The following EEPD1 variants were observed in gnomAD, a reference collection of about 807,000 sequenced individuals.
EEPD1 encodes endonuclease/exonuclease/phosphatase family domain-containing protein 1.
In EEPD1, 17 loss-of-function variants were observed where a neutral mutation model predicts 46.3. The observed-to-expected ratio is 0.37, with a 90% confidence interval of 0.25 to 0.55. EEPD1 has a LOEUF of 0.55. EEPD1 is among the 20% of genes least tolerant of loss of function. The pLI, the probability that EEPD1 is intolerant of heterozygous loss-of-function variation, is 0.83. For missense variants in EEPD1, 673 were observed against 745.6 expected (o/e 0.90, Z 1.13); for synonymous variants, 313 against 315.6 (o/e 0.99, Z 0.09).
rs897294205 is a variant in EEPD1, at chr7:36,298,480, T to C, written c.1511-527T>C. Among the ~76,000 whole-genome samples the C allele has an allele frequency of 9.5e-4, 144 of 152,242 alleles. 2 individuals carry two copies. Among genetic ancestry groups the C allele is most frequent in the Admixed American group, 9.4e-3 (144 of 15,286 alleles). On this transcript the variant is annotated intron_variant, in intron 7 of 7. Coordinates refer to ENST00000242108, the MANE Select transcript of EEPD1 (RefSeq NM_030636.3). The stretch of plus-strand genomic sequence containing the variant: ...TTTTTGTAACTATTCATTATTTAAT[T>C]ATATTCAAATATACTTCCTGCTTCA...
At chr7:36,180,997 G>T (rs1299946511) in intron 2 of EEPD1, among the ~76,000 whole-genome samples, 2 of 152,146 alleles carry the variant, frequency 1.3e-5, no homozygotes, top group Non-Finnish European at 2.9e-5. Flanking sequence ...GTTTCTTAAA[G>T]CTGGGTTGGA....
At chr7:36,271,799 CTATT>C (rs1787107250) in intron 3 of EEPD1, among the ~76,000 whole-genome samples, 1 of 5,276 alleles carries the variant, frequency 1.9e-4, no homozygotes, top group Admixed American at 1.8e-3. Context: ...CATAAGCCTC[CTATT>C]CTATTCTATT....
At chr7:36,216,025 C>G (rs181474717) in intron 2 of EEPD1, among the ~76,000 whole-genome samples, 6 of 152,290 alleles carry the variant, frequency 3.9e-5, no homozygotes, top group Admixed American at 3.9e-4. Context: ...CCTCTCTCTC[C>G]AGTGAGTGGG....
intron 6 of EEPD1, among the ~76,000 whole-genome samples, chr7:36,288,848 AC>A (rs1437274107): frequency 6.6e-6 from 1 of 151,934 alleles, no homozygotes; most frequent in African/African-American, 2.4e-5. Flanking sequence ...CACTTGGTTT[AC>A]CAAAAGAAAA....
In EEPD1 at chr7:36,256,093, A is replaced by T. The variant is rs538401066; in HGVS notation, c.930+17057A>T. On this transcript the variant is annotated intron_variant, in intron 3 of 7. Transcript: ENST00000242108. ...TAATTTCATTATTTACCCACTAGTT[A>T]TTCAGGAGCAGGTTGTTCAGTTCCC... Among the ~76,000 whole-genome samples the T allele has an allele frequency of 2.6e-5, 4 of 152,254 alleles. 1 individual carries two copies. In the South Asian group the frequency reaches 8.3e-4, roughly 32 times the overall value.
intron 2 of EEPD1, among the ~76,000 whole-genome samples, chr7:36,222,138 A>G (rs1786156791): frequency 6.6e-6 from 1 of 152,248 alleles, no homozygotes; most frequent in Non-Finnish European, 1.5e-5. Flanking sequence ...TGACTCCCCC[A>G]AAACATAAGT....
At chr7:36,159,001 AT>A (rs560866596) in intron 2 of EEPD1, among the ~76,000 whole-genome samples, 1 of 152,174 alleles carries the variant, frequency 6.6e-6, no homozygotes, top group Non-Finnish European at 1.5e-5. Flanking sequence ...GCTTAAATCA[AT>A]TTTTTTGCCA....
At chr7:36,268,521 A>G (rs1468374873) in intron 3 of EEPD1, among the ~76,000 whole-genome samples, 3 of 152,080 alleles carry the variant, frequency 2.0e-5, no homozygotes, top group Non-Finnish European at 4.4e-5. Context: ...AATGTTACCA[A>G]CCACAGCTTC....
chr7:36,191,346 G>T (rs1418650144), intron 2 of EEPD1, among the ~76,000 whole-genome samples: 1 of 152,248 alleles, frequency 6.6e-6, no homozygotes, highest in African/African-American at 2.4e-5. Context: ...TTGCAGAGCA[G>T]CTGGACAGAT....
In EEPD1 at chr7:36,227,668, C is replaced by T. The variant is rs185648526; in HGVS notation, c.879-11317C>T. 2.8e-4 allele frequency among the ~76,000 whole-genome samples: 42 copies of T among 152,214 alleles called. No homozygotes were observed. The East Asian group carries it at 6.4e-3, about 23-fold the overall frequency. On this transcript the variant is annotated intron_variant, in intron 2 of 7. Transcript: ENST00000242108. ...GCGCAGTGGCTCACACCTGTAATCC[C>T]AGCACTTTGGGTTTTTTTGGTTTTT...
Position 36,173,740 on chromosome 7 carries a change from A to G in EEPD1, c.878+18538A>G, listed in dbSNP as rs145670553. ...ACTCTTCTGTGTTGATTGTTGTGGT[A>G]TGAGGGTAGAGGAAGAACATGGCTT... On this transcript the variant is annotated intron_variant, in intron 2 of 7. Coordinates refer to ENST00000242108, the MANE Select transcript of EEPD1 (RefSeq NM_030636.3). Among the ~76,000 whole-genome samples, 58 of 152,308 alleles carry G rather than the reference A, an allele frequency of 3.8e-4. No homozygotes were observed. In the East Asian group the frequency reaches 9.1e-3, roughly 24 times the overall value.
At chr7:36,228,229 CCACA>C (rs1345224887) in intron 2 of EEPD1, among the ~76,000 whole-genome samples, 67 of 152,258 alleles carry the variant, frequency 4.4e-4, no homozygotes, top group South Asian at 1.4e-3. Context: ...TAACTCCACC[CCACA>C]TAAAACAAAT....
chr7:36,199,054 C>A (rs1299716188), intron 2 of EEPD1, among the ~76,000 whole-genome samples: 1 of 151,974 alleles, frequency 6.6e-6, no homozygotes, highest in African/African-American at 2.4e-5. Context: ...TTCACACTTA[C>A]CCAGCCAGTC....
chr7:36,241,080 G>A (rs559305266), intron 3 of EEPD1, among the ~76,000 whole-genome samples: 11 of 152,314 alleles, frequency 7.2e-5, no homozygotes, highest in African/African-American at 2.4e-4. Flanking sequence ...AAAGGGGTAT[G>A]TGAGTTCCTT....
intron 2 of EEPD1, among the ~76,000 whole-genome samples, chr7:36,191,240 G>T (rs1016340377): frequency 5.3e-5 from 8 of 152,244 alleles, no homozygotes; most frequent in African/African-American, 1.9e-4. Flanking sequence ...TGCTTAAAAT[G>T]ACAAGAGGGA....
chr7:36,193,749 C>T lies in EEPD1; in HGVS notation c.878+38547C>T, dbSNP rs568265302. Among the ~76,000 whole-genome samples the T allele has an allele frequency of 2.6e-5, 4 of 152,294 alleles. No individual in the cohort carries two copies. Among genetic ancestry groups the T allele is most frequent in the East Asian group, 3.9e-4 (2 of 5,180 alleles). On this transcript the variant is annotated intron_variant, in intron 2 of 7. Transcript: ENST00000242108. The surrounding 1 kb of genome is among the most constrained non-coding windows in gnomAD (Gnocchi z 4.9). The stretch of plus-strand genomic sequence containing the variant: ...CCAAGAGGAATTCAGAAACCCAGGC[C>T]GTCAGGTCCCGTGGTCAGCAGGTGG...
intron 7 of EEPD1, among the ~76,000 whole-genome samples, chr7:36,297,968 G>T (rs1049776486): frequency 6.6e-6 from 1 of 152,180 alleles, no homozygotes; most frequent in Non-Finnish European, 1.5e-5. Flanking sequence ...AAGTTGCAGG[G>T]CCTGGCTTTT....
chr7:36,196,309 T>A (rs571339642), intron 2 of EEPD1, among the ~76,000 whole-genome samples: 172 of 151,618 alleles, frequency 1.1e-3, no homozygotes, highest in African/African-American at 4.1e-3. Context: ...TTTTTTTTTT[T>A]AAAGTAACTG....
At chr7:36,180,005 G>T (rs962576173) in intron 2 of EEPD1, among the ~76,000 whole-genome samples, 1 of 152,186 alleles carries the variant, frequency 6.6e-6, no homozygotes, top group Middle Eastern at 3.2e-3. Context: ...CCTCCCAGCT[G>T]ATTCCAAGCG....
Sources: allele counts gnomAD v4.1 joint callset (sites outside exome capture counted in the v4.1 genomes callset), GRCh38; gene constraint gnomAD v4.1.1; non-coding constraint Gnocchi (gnomAD v3.1); transcripts MANE v1.5; gene names NCBI Gene and HGNC (gene_info 2026-07-23, HGNC 2026-07-21).